PCSK2: variants seen among roughly 807,000 people sequenced by gnomAD.
The protein encoded by PCSK2 is neuroendocrine convertase 2.
PCSK2 carries 14 observed loss-of-function variants against 69.7 expected under a neutral mutation model. That is an observed-to-expected ratio of 0.20 (90% CI 0.13 to 0.31). PCSK2 has a LOEUF of 0.31. PCSK2 is among the 10% of genes least tolerant of loss of function. PCSK2 has a pLI of 1.00. For missense variants in PCSK2, 544 were observed against 842.5 expected (o/e 0.65, Z 4.39); for synonymous variants, 307 against 320.7 (o/e 0.96, Z 0.46).
At chr20:17,458,087 A>G (rs565774744) in intron 10 of PCSK2, among the ~76,000 whole-genome samples, 1 of 152,238 alleles carries the variant, frequency 6.6e-6, no homozygotes, top group African/African-American at 2.4e-5. Context: ...TTTTGAAGCA[A>G]TGATCATGAA....
At chr20:17,347,891 AGAAAG>A (rs1990712325) in intron 2 of PCSK2, among the ~76,000 whole-genome samples, 98 of 11,636 alleles carry the variant, frequency 8.4e-3, no homozygotes, top group Non-Finnish European at 0.013. Flanking sequence ...AAAGAAAGAA[AGAAAG>A]AAAGAAAGAA....
chr20:17,404,251 T>C (rs1231572650), intron 5 of PCSK2, among the ~76,000 whole-genome samples: 1 of 152,170 alleles, frequency 6.6e-6, no homozygotes, highest in Non-Finnish European at 1.5e-5. Context: ...GACCACAGAG[T>C]TTGCCCCTCA....
chr20:17,289,621 C>A (rs766057095), intron 2 of PCSK2, among the ~76,000 whole-genome samples: 10 of 152,110 alleles, frequency 6.6e-5, no homozygotes, highest in Admixed American at 4.6e-4. Context: ...TAGAGAGTAT[C>A]ACTTTAAAAA....
chr20:17,244,557 T>G (rs1462481549), intron 1 of PCSK2, among the ~76,000 whole-genome samples: 1 of 152,220 alleles, frequency 6.6e-6, no homozygotes, highest in African/African-American at 2.4e-5. Flanking sequence ...TCTTAACCCT[T>G]CCCAATATTC....
chr20:17,242,467 C>T (rs1986617549), intron 1 of PCSK2, among the ~76,000 whole-genome samples: 1 of 152,084 alleles, frequency 6.6e-6, no homozygotes, highest in African/African-American at 2.4e-5. Flanking sequence ...AAGTTTATGC[C>T]CAAGGACAAG....
Position 17,474,173 on chromosome 20 carries a change from T to C in PCSK2, c.1431-7411T>C, listed in dbSNP as rs2033251966. ...TGCACCACCCCAGCTACTGTGGGCA[T>C]TGGCTGCTAACTGTGGTCTTCTGCC... On this transcript the variant is annotated intron_variant, in intron 11 of 11. Transcript: ENST00000262545. 2.0e-5 allele frequency among the ~76,000 whole-genome samples: 3 copies of C among 152,202 alleles called. 1 individual carries two copies. In the South Asian group the frequency reaches 6.2e-4, roughly 32 times the overall value.
intron 2 of PCSK2, among the ~76,000 whole-genome samples, chr20:17,303,189 ATATATT>A (rs1254133266): frequency 6.9e-6 from 1 of 144,106 alleles, no homozygotes; most frequent in East Asian, 2.0e-4. Context: ...TATATAATAT[ATATATT>A]TATATTATTA....
chr20:17,465,511 C>G lies in PCSK2; in HGVS notation c.1388C>G (p.Pro463Arg). 1 of 1,611,046 alleles carries G rather than the reference C, an allele frequency of 6.2e-7. No homozygotes were observed. The highest frequency in any genetic ancestry group is 2.2e-5 in the East Asian group (1 of 44,868). The change falls in exon 11 of 12, where the codon CCT becomes CGT. Residue 463 changes from proline (P) to arginine (R), a missense_variant. This residue lies in a region of PCSK2 where 200 missense variants were observed against 287.8 expected (regional missense o/e 0.69). Transcript: ENST00000262545. ...VKMAKDWKTV[P>R]ERFHCVGGSV... ...ATGGCTAAAGACTGGAAAACCGTGC[C>G]TGAGAGATTCCACTGTGTGGGAGGC...
intron 2 of PCSK2, among the ~76,000 whole-genome samples, chr20:17,344,555 T>C (rs1377975133): frequency 6.6e-6 from 1 of 152,170 alleles, no homozygotes; most frequent in Non-Finnish European, 1.5e-5. Context: ...ATTGTCCTCA[T>C]CCAAAAATTA....
chr20:17,358,536 A>C, intron 3 of PCSK2, 96 bp downstream of exon 3: 2 of 726,538 alleles, frequency 2.8e-6, no homozygotes, highest in Non-Finnish European at 4.9e-6. Context: ...GATGTTAGCC[A>C]GTATCCAACC....
intron 2 of PCSK2, among the ~76,000 whole-genome samples, chr20:17,278,686 G>A (rs750734592): frequency 2.6e-5 from 4 of 151,942 alleles, no homozygotes; most frequent in Admixed American, 6.6e-5. Flanking sequence ...AAAGCTGCAC[G>A]CTATGCACAT....
At chr20:17,305,196 T>G (rs1732906407) in intron 2 of PCSK2, among the ~76,000 whole-genome samples, 1 of 152,202 alleles carries the variant, frequency 6.6e-6, no homozygotes, top group African/African-American at 2.4e-5. Flanking sequence ...GCCCAGGAAT[T>G]TAGGGAAACA....
In PCSK2 at chr20:17,301,307, G is replaced by A. The variant is rs1989075140; in HGVS notation, c.282+40963G>A. 3.3e-5 allele frequency among the ~76,000 whole-genome samples: 5 copies of A among 152,292 alleles called. No homozygotes were observed. In the South Asian group the frequency reaches 1.0e-3, roughly 32 times the overall value. On this transcript the variant is annotated intron_variant, in intron 2 of 11. Transcript: ENST00000262545. ...CAGCTCTGCTCTGACAACTCTGTGT[G>A]AGACTCAAAAAGCAGCTGGAGGAGG...
intron 5 of PCSK2, among the ~76,000 whole-genome samples, chr20:17,382,618 A>C (rs1048434145): frequency 4.6e-5 from 7 of 151,946 alleles, no homozygotes; most frequent in African/African-American, 1.2e-4. Flanking sequence ...CTCTGTTCCC[A>C]CCACTGGCAT....
intron 8 of PCSK2, among the ~76,000 whole-genome samples, chr20:17,449,550 G>A: frequency 1.7e-5 from 1 of 59,494 alleles, no homozygotes; most frequent in Admixed American, 1.3e-4. Flanking sequence ...GTATATTTGA[G>A]ACTGAGTTTT....
chr20:17,253,236 C>A (rs1208229953), intron 1 of PCSK2, among the ~76,000 whole-genome samples: 1 of 152,120 alleles, frequency 6.6e-6, no homozygotes, highest in East Asian at 1.9e-4. Flanking sequence ...TAAAATTTAT[C>A]CTCTAAAAAT....
At chr20:17,460,944 G>A (rs958919019) in intron 10 of PCSK2, among the ~76,000 whole-genome samples, 1 of 152,074 alleles carries the variant, frequency 6.6e-6, no homozygotes. Flanking sequence ...TTTTAAAGAT[G>A]TAAAGGCTAG....
intron 6 of PCSK2, among the ~76,000 whole-genome samples, chr20:17,416,997 G>A (rs1024269158): frequency 1.1e-4 from 17 of 150,232 alleles, no homozygotes; most frequent in African/African-American, 4.1e-4. Flanking sequence ...ACAGGGCGGG[G>A]AACATCACAC....
intron 1 of PCSK2, among the ~76,000 whole-genome samples, chr20:17,233,717 C>A (rs1306874739): frequency 3.3e-5 from 5 of 152,134 alleles, no homozygotes; most frequent in African/African-American, 1.2e-4. Flanking sequence ...GCAAAAGACG[C>A]CTGTAACAGG....
Sources: gnomAD v4.1 joint callset for allele counts (sites outside exome capture counted in the v4.1 genomes callset) on GRCh38, gnomAD v4.1.1 for gene constraint, gnomAD v4.1.1 regional missense constraint, MANE v1.5 for transcripts, NCBI Gene and HGNC (gene_info 2026-07-23, HGNC 2026-07-21) for gene names.